DHX29: variants seen among roughly 807,000 people sequenced by gnomAD.
DHX29 encodes DExH-box helicase 29.
In DHX29, 79 loss-of-function variants were observed where a neutral mutation model predicts 167.9. The observed-to-expected ratio is 0.47, with a 90% CI of 0.39 to 0.57. The LOEUF (loss-of-function observed/expected upper bound fraction) is 0.57. Ranked by LOEUF, DHX29 falls within the 20% of genes least tolerant of loss-of-function variation. The pLI is 0.00. For missense variants in DHX29, 1,347 were observed against 1,593.4 expected (o/e 0.85, Z 2.63); for synonymous variants, 530 against 546.0 (o/e 0.97, Z 0.41).
At position 55,283,759 on chromosome 5, in the gene DHX29, C is replaced by T. The variant is rs908223515; in HGVS notation, c.1409G>A (p.Ser470Asn). 6.2e-7 allele frequency: 1 copy of T among 1,611,716 alleles called. No individual in the cohort carries two copies. Among genetic ancestry groups the T allele is most frequent in the Non-Finnish European group, 8.5e-7 (1 of 1,179,268 alleles). ...TTCTTCCCTTTTCTTTTCTGCATCACTCCACTCCAGCCAAACATCTCGGTA... is the reference window on the plus strand; with the variant it reads ...TTCTTCCCTTTTCTTTTCTGCATCATTCCACTCCAGCCAAACATCTCGGTA... ...PTYRDVWLEW[S>N]DAEKKREELN... Residue 470 changes from serine (S) to asparagine (N), a missense_variant, in exon 11 of 27, where the codon AGT becomes AAT. Coordinates refer to ENST00000251636, the MANE Select transcript of DHX29 (RefSeq NM_019030.4).
chr5:55,298,858 G>A (rs925513848), intron 1 of DHX29, among the ~76,000 whole-genome samples, 194 bp from the exon 2 acceptor site: 16 of 150,160 alleles, frequency 1.1e-4, no homozygotes, highest in African/African-American at 3.2e-4. Context: ...GTGAAACCCC[G>A]TCTCTACTAA....
At chr5:55,272,806 A>G (rs1190726539) in intron 17 of DHX29, among the ~76,000 whole-genome samples, 1 of 152,148 alleles carries the variant, frequency 6.6e-6, no homozygotes, top group Non-Finnish European at 1.5e-5. Context: ...AGCTTAGCAC[A>G]ACCCTTCACT....
At chr5:55,257,696 T>C (rs989572955) in intron 26 of DHX29, among the ~76,000 whole-genome samples, 11 of 152,350 alleles carry the variant, frequency 7.2e-5, no homozygotes, top group African/African-American at 2.2e-4. Flanking sequence ...CTTTTTGTTA[T>C]AAATCCAAGA....
At chr5:55,263,539 CTTTATGTTT>C (rs1376911509) in intron 23 of DHX29, among the ~76,000 whole-genome samples, 1 of 151,668 alleles carries the variant, frequency 6.6e-6, no homozygotes, top group Non-Finnish European at 1.5e-5. Flanking sequence ...TTAGGATATC[CTTTATGTTT>C]TAAGTTTGGG....
At chr5:55,301,713 CAAAAAAAAAAAAAA>C (rs70992777) in intron 1 of DHX29, among the ~76,000 whole-genome samples, 1 of 64,738 alleles carries the variant, frequency 1.5e-5, no homozygotes, top group Non-Finnish European at 3.0e-5. Context: ...AACTCCATCT[CAAAAAAAAAAAAAA>C]AAAAAAAAAC....
chr5:55,307,536 G>A lies in DHX29; in HGVS notation c.38C>T (p.Ala13Val). Residue 13 changes from alanine to valine, a missense_variant, in exon 1 of 27, where the codon GCC (alanine) becomes GTC (valine). Ala to Val is a moderately conservative substitution (Grantham distance 64, BLOSUM62 0). This residue lies in a region of DHX29 where 405 missense variants were observed against 416.8 expected (regional missense o/e 0.97). Transcript: ENST00000251636. ...GKNKKHKAPA[A>V]AVVRAAVSAS... ...AGACACGGCGGCCCGGACCACCGCG[G>A]CCGCTGGAGCCTTGTGTTTCTTGTT... 1 of 1,613,544 alleles carries A rather than the reference G, an allele frequency of 6.2e-7. No individual in the cohort carries two copies. The highest frequency in any genetic ancestry group is 1.7e-5 in the Admixed American group (1 of 60,024).
At chr5:55,259,967 T>C (rs1344624186) in intron 25 of DHX29, 23 bp from the exon 26 acceptor site, 1 of 1,440,094 alleles carries the variant, frequency 6.9e-7, no homozygotes, top group South Asian at 1.2e-5. Flanking sequence ...GTTGAAAAAA[T>C]GGACAAAGTC....
chr5:55,265,704 G>A lies in DHX29; in HGVS notation c.3525+1434C>T, dbSNP rs1251991443. Among the ~76,000 whole-genome samples, 3 of 148,726 alleles carry A rather than the reference G, an allele frequency of 2.0e-5. No individual in the cohort carries two copies. The East Asian group carries it at 5.8e-4, about 29-fold the overall frequency. On this transcript the variant is annotated intron_variant, in intron 23 of 26. Transcript: ENST00000251636. The stretch of plus-strand genomic sequence containing the variant: ...AAAAAAAGCCAGTAATGAGGTAACT[G>A]AGGATACTTAAACACTGTCTGTATC...
chr5:55,269,687 C>A, intron 20 of DHX29, 50 bp from the exon 21 acceptor site: 1 of 1,456,836 alleles, frequency 6.9e-7, no homozygotes, highest in Non-Finnish European at 9.5e-7. Flanking sequence ...AGAATGAACA[C>A]TACCCAATGA....
chr5:55,298,272 T>A (rs1579818161), intron 2 of DHX29, among the ~76,000 whole-genome samples: 2 of 152,256 alleles, frequency 1.3e-5, no homozygotes, highest in African/African-American at 4.8e-5. Context: ...GAGATATTCA[T>A]GAGATGTCCC....
intron 16 of DHX29, among the ~76,000 whole-genome samples, chr5:55,274,231 GA>G (rs111691919): frequency 2.6e-5 from 4 of 151,500 alleles, no homozygotes; most frequent in African/African-American, 7.3e-5. Context: ...TTGTCTCTAT[GA>G]AAAAAATTTT....
chr5:55,305,733 A>G (rs1187529457), intron 1 of DHX29, among the ~76,000 whole-genome samples: 2 of 152,228 alleles, frequency 1.3e-5, no homozygotes, highest in African/African-American at 4.8e-5. Flanking sequence ...AGTCGAAGAA[A>G]AAGTTAGTTT....
chr5:55,299,478 A>C (rs1748494146), intron 1 of DHX29, among the ~76,000 whole-genome samples: 1 of 152,190 alleles, frequency 6.6e-6, no homozygotes, highest in Non-Finnish European at 1.5e-5. Context: ...CACAAACTTG[A>C]TGGCTGAATA....
chr5:55,278,434 AAGG>A (rs1240692404), intron 12 of DHX29, among the ~76,000 whole-genome samples: 3 of 152,198 alleles, frequency 2.0e-5, no homozygotes, highest in African/African-American at 7.2e-5. Context: ...TCTTCTATAA[AAGG>A]AGAATACAAA....
intron 26 of DHX29, 111 bp downstream of exon 26, chr5:55,259,737 G>A (rs556246928): frequency 1.5e-4 from 89 of 581,306 alleles, no homozygotes; most frequent in African/African-American, 1.3e-3. Context: ...GATTATGGGC[G>A]TGAGCCACCG....
intron 12 of DHX29, among the ~76,000 whole-genome samples, chr5:55,279,896 A>T (rs1393037616): frequency 6.6e-6 from 1 of 151,984 alleles, no homozygotes; most frequent in Non-Finnish European, 1.5e-5. Context: ...AAGGAAAAAA[A>T]TAAGGATAGA....
chr5:55,304,038 T>C (rs1748734325), intron 1 of DHX29, among the ~76,000 whole-genome samples: 5 of 152,174 alleles, frequency 3.3e-5, no homozygotes. Flanking sequence ...CTGAACCTCT[T>C]ATTTTGGTCT....
At chr5:55,292,826 T>C (rs758783737) in intron 6 of DHX29, among the ~76,000 whole-genome samples, 4 of 152,196 alleles carry the variant, frequency 2.6e-5, no homozygotes, top group African/African-American at 9.6e-5. Flanking sequence ...GTCTGAACTC[T>C]GTGCATCCTT....
Position 55,290,407 on chromosome 5 carries a change from G to C in DHX29, c.781-63C>G, listed in dbSNP as rs190017375. ...AGAAGAGCAAGATTAGTTTATCTAT[G>C]GTCAATAAACTGTATCAAAATCTGT... On this transcript the variant is annotated intron_variant, in intron 6 of 26. Coordinates refer to ENST00000251636, the MANE Select transcript of DHX29 (RefSeq NM_019030.4). 101 of 1,500,228 alleles carry C rather than the reference G, an allele frequency of 6.7e-5. No individual in the cohort carries two copies. In the African/African-American group the frequency reaches 1.3e-3, roughly 20 times the overall value. 92.9% of individuals were successfully genotyped at this position (1,500,228 alleles called of 1,614,324 possible). A position where few individuals can be genotyped will look rare whatever the true frequency, so the allele number is the denominator to read the frequency against.
Sources: allele counts gnomAD v4.1 joint callset (sites outside exome capture counted in the v4.1 genomes callset), GRCh38; gene constraint gnomAD v4.1.1; regional missense constraint gnomAD v4.1.1; transcripts MANE v1.5; gene names NCBI Gene and HGNC (gene_info 2026-07-23, HGNC 2026-07-21).